SIL1: variants seen among roughly 807,000 people sequenced by gnomAD.
The protein encoded by SIL1 is nucleotide exchange factor SIL1.
A neutral mutation model predicts 49.1 loss-of-function variants in SIL1; 40 were observed. That is an observed-to-expected ratio of 0.81 (90% CI 0.63 to 1.06). The LOEUF (loss-of-function observed/expected upper bound fraction) is 1.06, where lower values mean the gene tolerates loss of function less well. Among genes scored for constraint, SIL1 ranks in the 50% least tolerant of loss-of-function variants. SIL1 has a pLI of 0.00. For missense variants in SIL1, 500 were observed against 572.6 expected, an observed-to-expected ratio of 0.87 and a Z score of 1.29; for synonymous variants, 253 against 250.8, an observed-to-expected ratio of 1.01 and a Z score of -0.08.
chr5:138,946,992 C>T lies in SIL1; in HGVS notation c.*125G>A, dbSNP rs1766642991. On this transcript the variant is annotated 3_prime_UTR_variant, in exon 10 of 10. Coordinates refer to ENST00000394817, the MANE Select transcript of SIL1 (RefSeq NM_022464.5). The stretch of plus-strand genomic sequence containing the variant: ...CAGACACACAGCAGAAAGAGGATGG[C>T]CTTCAGGTTTCCATTTAATGGCCAA... The T allele has an allele frequency of 2.6e-6, 2 of 762,150 alleles. No homozygotes were observed. Among genetic ancestry groups the T allele is most frequent in the East Asian group, 2.7e-5 (1 of 37,430 alleles). 47.2% of individuals were successfully genotyped at this position (762,150 alleles called of 1,614,324 possible). A position where few individuals can be genotyped will look rare whatever the true frequency, so the allele number is the denominator to read the frequency against.
intron 3 of SIL1, among the ~76,000 whole-genome samples, chr5:139,095,639 T>A (rs1770444426): frequency 6.6e-6 from 1 of 152,166 alleles, no homozygotes; most frequent in Non-Finnish European, 1.5e-5. Context: ...CCAAGCACTT[T>A]GAGAAGTGCA....
chr5:139,076,986 T>C (rs534100448), intron 3 of SIL1, among the ~76,000 whole-genome samples: 11 of 152,164 alleles, frequency 7.2e-5, no homozygotes, highest in African/African-American at 2.4e-4. Context: ...TACAAAAAAT[T>C]AGCTGCGCAT....
intron 1 of SIL1, among the ~76,000 whole-genome samples, chr5:139,185,927 T>G (rs1752070536): frequency 6.6e-6 from 1 of 152,254 alleles, no homozygotes; most frequent in South Asian, 2.1e-4. Context: ...TATACTGTTT[T>G]GCCCCTTGGC....
chr5:139,192,866 A>T (rs1752199057), intron 1 of SIL1, among the ~76,000 whole-genome samples: 1 of 151,762 alleles, frequency 6.6e-6, no homozygotes, highest in Non-Finnish European at 1.5e-5. Flanking sequence ...ATGTGGTGGC[A>T]CATGCCTGTA....
chr5:139,154,598 C>T (rs1751372060), intron 1 of SIL1, among the ~76,000 whole-genome samples: 2 of 152,322 alleles, frequency 1.3e-5, no homozygotes, highest in Middle Eastern at 3.4e-3. Context: ...GTGAGCCTCT[C>T]CTGCCCCTTG....
intron 1 of SIL1, among the ~76,000 whole-genome samples, chr5:139,147,970 T>G (rs1751225527): frequency 6.6e-6 from 1 of 152,036 alleles, no homozygotes; most frequent in Non-Finnish European, 1.5e-5. Context: ...AGAGCCCTGG[T>G]TTTCTTCTAG....
chr5:139,143,306 T>TATAC (rs1462473659), intron 1 of SIL1, among the ~76,000 whole-genome samples: 3 of 123,742 alleles, frequency 2.4e-5, no homozygotes, highest in African/African-American at 1.0e-4. Context: ...TATACATATA[T>TATAC]ACACACACAC....
chr5:139,052,509 C>T (rs1185989817), intron 3 of SIL1, among the ~76,000 whole-genome samples: 6 of 152,104 alleles, frequency 3.9e-5, no homozygotes, highest in Non-Finnish European at 1.5e-5. Flanking sequence ...AATGGTGAAA[C>T]CCCATCTCTA....
intron 6 of SIL1, chr5:139,021,889 G>T (rs112021087): frequency 5.4e-6 from 1 of 185,002 alleles, no homozygotes; most frequent in Non-Finnish European, 1.1e-5. Flanking sequence ...TCTCCCAAAG[G>T]TTTCTGTCTA....
At chr5:139,175,050 A>T (rs538077576) in intron 1 of SIL1, among the ~76,000 whole-genome samples, 2 of 151,684 alleles carry the variant, frequency 1.3e-5, no homozygotes. Context: ...GGCCAGGCGC[A>T]GTGGCTCACA....
intron 1 of SIL1, among the ~76,000 whole-genome samples, chr5:139,181,698 G>A (rs539286827): frequency 1.3e-5 from 2 of 152,122 alleles, no homozygotes; most frequent in Admixed American, 6.6e-5. Context: ...TATAGGACCC[G>A]CCAGAGTCCA....
intron 1 of SIL1, chr5:139,188,026 G>T: frequency 6.5e-6 from 1 of 153,030 alleles, no homozygotes; most frequent in South Asian, 1.8e-4. Flanking sequence ...TAAGTTTCCT[G>T]AGGCCTTCCC....
At chr5:139,026,666 C>T (rs916475961) in intron 6 of SIL1, 135 bp downstream of exon 6, 20 of 850,948 alleles carry the variant, frequency 2.4e-5, no homozygotes, top group Non-Finnish European at 3.6e-5. Flanking sequence ...CAAAAGATAA[C>T]AAGACTAGAT....
chr5:139,103,521 C>T (rs1351673304), intron 3 of SIL1, among the ~76,000 whole-genome samples: 2 of 152,222 alleles, frequency 1.3e-5, no homozygotes, highest in Non-Finnish European at 2.9e-5. Context: ...ATTTCAGTGG[C>T]TAATGCAGTT....
intron 3 of SIL1, among the ~76,000 whole-genome samples, chr5:139,056,270 G>A (rs945762290): frequency 6.6e-6 from 1 of 150,846 alleles, no homozygotes; most frequent in Non-Finnish European, 1.5e-5. Flanking sequence ...AGTGAGGAGC[G>A]TCTCTGCCCG....
chr5:139,163,472 C>A (rs567339025), intron 1 of SIL1, among the ~76,000 whole-genome samples: 2 of 151,928 alleles, frequency 1.3e-5, no homozygotes, highest in Admixed American at 1.3e-4. Context: ...CAGGTTCAAG[C>A]GATTCTCCTG....
At chr5:139,082,301 A>G (rs1770098365) in intron 3 of SIL1, among the ~76,000 whole-genome samples, 1 of 152,198 alleles carries the variant, frequency 6.6e-6, no homozygotes, top group African/African-American at 2.4e-5. Flanking sequence ...CTTCAAAAGC[A>G]GCTCTTCCAT....
At chr5:139,049,203 C>T (rs778285741) in intron 4 of SIL1, among the ~76,000 whole-genome samples, 5 of 152,052 alleles carry the variant, frequency 3.3e-5, no homozygotes, top group Non-Finnish European at 7.4e-5. Flanking sequence ...GACAGAGTCT[C>T]GCTCTGCCAC....
At chr5:139,068,507 C>T (rs529227673) in intron 3 of SIL1, among the ~76,000 whole-genome samples, 2 of 151,546 alleles carry the variant, frequency 1.3e-5, no homozygotes, top group African/African-American at 4.8e-5. Flanking sequence ...TAGACTTGGA[C>T]GACAGAAATA....
Sources: allele counts gnomAD v4.1 joint callset (sites outside exome capture counted in the v4.1 genomes callset), GRCh38; gene constraint gnomAD v4.1.1; transcripts MANE v1.5; gene names NCBI Gene and HGNC (gene_info 2026-07-23, HGNC 2026-07-21).